Variants in PTGS1 observed in about 807,000 individuals in gnomAD.
PTGS1 encodes the protein prostaglandin G/H synthase 1.
A neutral mutation model predicts 63.0 loss-of-function variants in PTGS1; 40 were observed. That is an observed-to-expected ratio of 0.63 (90% CI 0.49 to 0.83). The LOEUF is 0.83. Among genes scored for constraint, PTGS1 ranks in the 40% least tolerant of loss-of-function variants. The probability of loss-of-function intolerance (pLI) is 0.00; values close to 1 mark genes in which losing one functional copy is unlikely to be tolerated. For synonymous variants in PTGS1, 298 were observed against 301.9 expected (o/e 0.99, Z 0.13); for missense variants, 709 against 786.5 (o/e 0.90, Z 1.18).
chr9:122,374,695 C>A (rs1017109381), intron 2 of PTGS1, among the ~76,000 whole-genome samples: 8 of 152,238 alleles, frequency 5.3e-5, no homozygotes, highest in Admixed American at 2.6e-4. Flanking sequence ...AGATGGTGAT[C>A]CCCCTGGGGT....
intron 4 of PTGS1, 57 bp from the exon 5 acceptor site, chr9:122,378,718 C>T (rs1564134166): frequency 6.2e-7 from 1 of 1,608,612 alleles, no homozygotes; most frequent in East Asian, 2.2e-5. Context: ...GAGGCAAGAA[C>T]TGGGATGGAG....
In PTGS1 at chr9:122,394,627, G is replaced by C. The variant is rs561776179; in HGVS notation, c.*2083G>C. On this transcript the variant is annotated 3_prime_UTR_variant, in exon 11 of 11. Transcript: ENST00000362012. ...TCCTTTCTTATTAATTTCAGTCTTGGTGGTTCTATCAGGGGTGCATTCTGG... is the reference window on the plus strand; with the variant it reads ...TCCTTTCTTATTAATTTCAGTCTTGCTGGTTCTATCAGGGGTGCATTCTGG... 1 of 152,128 alleles carries C rather than the reference G, an allele frequency of 6.6e-6. No homozygotes were observed. Among genetic ancestry groups the C allele is most frequent in the Non-Finnish European group, 1.5e-5 (1 of 68,050 alleles). 9.4% of individuals were successfully genotyped at this position (152,128 alleles called of 1,614,324 possible). A position where few individuals can be genotyped will look rare whatever the true frequency, so the allele number is the denominator to read the frequency against.
intron 3 of PTGS1, 97 bp from the exon 4 acceptor site, chr9:122,378,336 C>T: frequency 6.5e-7 from 1 of 1,531,876 alleles, no homozygotes; most frequent in Non-Finnish European, 8.9e-7. Flanking sequence ...CTACTCTGTT[C>T]CACCCTGGCC....
At chr9:122,371,297 G>A (rs1836787465) in intron 2 of PTGS1, 25 bp downstream of exon 2, 1 of 1,601,026 alleles carries the variant, frequency 6.2e-7, no homozygotes, top group African/African-American at 1.3e-5. Flanking sequence ...CCCTCCCCAA[G>A]GGAATCCCCG....
chr9:122,392,318 G>T lies in PTGS1; in HGVS notation c.1574G>T (p.Gly525Val), dbSNP rs1403280214. 2 of 1,614,090 alleles carry T rather than the reference G, an allele frequency of 1.2e-6. No individual in the cohort carries two copies. The highest frequency in any genetic ancestry group is 1.7e-6 in the Non-Finnish European group (2 of 1,180,018). Residue 525 changes from glycine to valine, a missense_variant, in exon 11 of 11, where the codon GGG becomes GTG. Gly to Val is a moderately radical substitution (Grantham distance 109). Coordinates refer to ENST00000362012, the MANE Select transcript of PTGS1 (RefSeq NM_000962.4). ...TTTGGGGAGAGTATGATAGAGATTGGGGCTCCCTTTTCCCTCAAGGGTCTC... is the reference window on the plus strand; with the variant it reads ...TTTGGGGAGAGTATGATAGAGATTGTGGCTCCCTTTTCCCTCAAGGGTCTC... ...SIFGESMIEI[G>V]APFSLKGLLG...
intron 10 of PTGS1, among the ~76,000 whole-genome samples, chr9:122,391,347 C>CTA (rs1170512899): frequency 1.8e-5 from 2 of 109,564 alleles, no homozygotes; most frequent in South Asian, 2.7e-4. Context: ...TATATATATA[C>CTA]TATATATATA....
intron 3 of PTGS1, 85 bp downstream of exon 3, chr9:122,378,100 C>T: frequency 7.9e-7 from 1 of 1,268,610 alleles, no homozygotes; most frequent in Non-Finnish European, 1.1e-6. Context: ...AACTTCCTAC[C>T]CTCCTCTCTG....
intron 2 of PTGS1, among the ~76,000 whole-genome samples, chr9:122,373,935 C>T (rs1002542900): frequency 6.6e-6 from 1 of 152,064 alleles, no homozygotes; most frequent in African/African-American, 2.4e-5. Flanking sequence ...GGTCCTGCCT[C>T]TTCACTGGGC....
At chr9:122,375,287 A>G (rs1227127233) in intron 2 of PTGS1, 2 of 985,140 alleles carry the variant, frequency 2.0e-6, no homozygotes, top group African/African-American at 3.5e-5. Flanking sequence ...CTTGGCAGGG[A>G]GGGTGTGGGC....
rs1838469426 is a variant in PTGS1, at chr9:122,394,556, A to T, written c.*2012A>T. The T allele has an allele frequency of 6.6e-6, 1 of 151,636 alleles. No homozygotes were observed. The highest frequency in any genetic ancestry group is 1.9e-4 in the East Asian group (1 of 5,178). 9.4% of individuals were successfully genotyped at this position (151,636 alleles called of 1,614,324 possible). A position where few individuals can be genotyped will look rare whatever the true frequency, so the allele number is the denominator to read the frequency against. ...TGTCCTGTCCTTTCTTGCAGATTCT[A>T]TTTCCCCTCTTCTGCTAATACCTCT... On this transcript the variant is annotated 3_prime_UTR_variant, in exon 11 of 11. Coordinates refer to ENST00000362012, the MANE Select transcript of PTGS1 (RefSeq NM_000962.4).
At chr9:122,384,106 A>C (rs1288674861) in intron 8 of PTGS1, among the ~76,000 whole-genome samples, 1 of 152,080 alleles carries the variant, frequency 6.6e-6, no homozygotes, top group Non-Finnish European at 1.5e-5. Flanking sequence ...CTGCGCCCGG[A>C]TGCATACTTG....
rs775618916 is a variant in PTGS1 at position 122,378,559 on chromosome 9, G to A, written c.338G>A (p.Arg113His). ...ACCTTCATCCGAGAGATGCTCATGC[G>A]CCTGGTACTCACAGGTGGGTGTGGG... ...NATFIREMLM[R>H]LVLTVRSNLI... is the part of the protein sequence containing the mutation. The change falls in exon 4 of 11, where the codon CGC becomes CAC. Residue 113 changes from arginine (R) to histidine (H), a missense_variant. Arg to His is a conservative substitution (Grantham distance 29). Transcript: ENST00000362012. 2.4e-5 allele frequency: 38 copies of A among 1,614,134 alleles called. No individual in the cohort carries two copies. The highest frequency in any genetic ancestry group is 1.6e-4 in the East Asian group (7 of 44,892).
Position 122,378,417 on chromosome 9 carries a change from G to C in PTGS1, c.212-16G>C, listed in dbSNP as rs2282169. The C allele has an allele frequency of 0.2, 322,797 of 1,612,248 alleles. 38,185 individuals are homozygous for C. The highest frequency in any genetic ancestry group is 0.55 in the African/African-American group (40,946 of 74,984). On this transcript the variant is annotated splice_polypyrimidine_tract_variant and intron_variant, in intron 3 of 10. Coordinates refer to ENST00000362012, the MANE Select transcript of PTGS1 (RefSeq NM_000962.4). Reference sequence around the variant, plus strand: ...GGTAGGAGGGACCAACTGAGTGACTGCCATTGCCCCTGCAGCTGGCCTGTG... The same window carrying C: ...GGTAGGAGGGACCAACTGAGTGACTCCCATTGCCCCTGCAGCTGGCCTGTG...
At chr9:122,375,238 G>A (rs1049967641) in intron 2 of PTGS1, 16 of 958,040 alleles carry the variant, frequency 1.7e-5, no homozygotes, top group Non-Finnish European at 1.9e-5. Context: ...TGGATGGGCC[G>A]GACTGGGAGG....
At chr9:122,371,774 C>T (rs779356120) in intron 2 of PTGS1, 3 of 1,533,736 alleles carry the variant, frequency 2.0e-6, no homozygotes, top group African/African-American at 1.4e-5. Flanking sequence ...ATTTAGGAGC[C>T]GGGATGCTTC....
intron 10 of PTGS1, 147 bp downstream of exon 10, chr9:122,390,492 T>G: frequency 1.0e-6 from 1 of 1,002,954 alleles, no homozygotes. Context: ...TGTGCCAGGG[T>G]GGTAAATAAG....
intron 7 of PTGS1, 46 bp downstream of exon 7, chr9:122,381,793 GT>G: frequency 6.4e-7 from 1 of 1,570,310 alleles, no homozygotes; most frequent in South Asian, 1.1e-5. Flanking sequence ...GTCTCCCATG[GT>G]CTTCCCTGGC....
chr9:122,378,287 G>T (rs965882589), intron 3 of PTGS1, 146 bp from the exon 4 acceptor site: 1 of 1,163,994 alleles, frequency 8.6e-7, no homozygotes, highest in Non-Finnish European at 1.2e-6. Flanking sequence ...ATGTGTCATT[G>T]CTCCCAAGGT....
intron 8 of PTGS1, 56 bp downstream of exon 8, chr9:122,383,811 T>C: frequency 1.9e-6 from 3 of 1,577,058 alleles, no homozygotes; most frequent in Non-Finnish European, 2.6e-6. Flanking sequence ...TCCTGAGAAG[T>C]TGGGGGCGGG....
Sources: gnomAD v4.1 joint callset for allele counts (sites outside exome capture counted in the v4.1 genomes callset) on GRCh38, gnomAD v4.1.1 for gene constraint, MANE v1.5 for transcripts, NCBI Gene and HGNC (gene_info 2026-07-23, HGNC 2026-07-21) for gene names.